Variants in CRCP observed in about 807,000 individuals in gnomAD.
The protein encoded by CRCP is CGRP receptor component, also known as DNA-directed RNA polymerase III subunit RPC9.
A neutral mutation model predicts 18.5 loss-of-function variants in CRCP; 18 were observed. The ratio of observed to expected loss-of-function variants is 0.97; its 90% CI spans 0.67 to 1.44. The LOEUF is 1.44. CRCP is among the 40% of genes most tolerant of loss of function. The probability of loss-of-function intolerance (pLI) is 0.00; values close to 1 mark genes in which losing one functional copy is unlikely to be tolerated. For missense variants in CRCP, 130 were observed against 176.4 expected, an observed-to-expected ratio of 0.74 and a Z score of 1.49; for synonymous variants, 53 against 62.9, an observed-to-expected ratio of 0.84 and a Z score of 0.75.
intron 4 of CRCP, among the ~76,000 whole-genome samples, chr7:66,136,848 G>A (rs1382247967): frequency 1.3e-5 from 2 of 151,436 alleles, no homozygotes; most frequent in African/African-American, 4.9e-5. Flanking sequence ...GGGAGGCTGA[G>A]GCAGGTGGAT....
rs1037756125 is a variant in CRCP at position 66,152,520 on chromosome 7, G to A, written c.*163G>A. On this transcript the variant is annotated 3_prime_UTR_variant, in exon 6 of 6. Transcript: ENST00000395326. ...AAATAAGTTAAAAAGAAATATTTGT[G>A]CCTTGGGGAGAAGAAACATGGTGAA... is the stretch of plus-strand genomic sequence containing the variant. The A allele has an allele frequency of 1.2e-5, 9 of 740,038 alleles. No individual in the cohort carries two copies. The highest frequency in any genetic ancestry group is 1.9e-5 in the Non-Finnish European group (9 of 469,446). 45.8% of individuals were successfully genotyped at this position (740,038 alleles called of 1,614,324 possible).
At chr7:66,136,812 G>T (rs970780249) in intron 4 of CRCP, among the ~76,000 whole-genome samples, 2 of 151,244 alleles carry the variant, frequency 1.3e-5, no homozygotes, top group Non-Finnish European at 2.9e-5. Flanking sequence ...GGGCACGGTG[G>T]CTCACACCTA....
At chr7:66,133,572 C>G (rs1435922477) in intron 3 of CRCP, among the ~76,000 whole-genome samples, 1 of 150,864 alleles carries the variant, frequency 6.6e-6, no homozygotes. Flanking sequence ...AAAGTTGTCT[C>G]TTCTTACCCG....
intron 3 of CRCP, among the ~76,000 whole-genome samples, chr7:66,132,970 A>G (rs1310198470): frequency 6.6e-6 from 1 of 152,072 alleles, no homozygotes; most frequent in Non-Finnish European, 1.5e-5. Context: ...GCCCATATTC[A>G]AGGGGAAGCG....
intron 1 of CRCP, among the ~76,000 whole-genome samples, chr7:66,125,613 T>A (rs1387721076): frequency 6.7e-6 from 1 of 149,298 alleles, no homozygotes; most frequent in Admixed American, 6.7e-5. Flanking sequence ...TCCTCCTTTA[T>A]ATTCGTTCTA....
At position 66,131,865 on chromosome 7, in the gene CRCP, G is replaced by A. The variant is rs941165350; in HGVS notation, c.144+1023G>A. On this transcript the variant is annotated intron_variant, in intron 3 of 5. Transcript: ENST00000395326. ...TCACCTCTGGCTCCCGGGTTCAAGC[G>A]ATTCTCCTGCCTCAGCCTCCCGAGT... Among the ~76,000 whole-genome samples, 12 of 151,588 alleles carry A rather than the reference G, an allele frequency of 7.9e-5. No homozygotes were observed. In the South Asian group the frequency reaches 2.1e-3, roughly 26 times the overall value.
intron 2 of CRCP, 25 bp from the exon 3 acceptor site, chr7:66,130,719 A>G: frequency 7.3e-7 from 1 of 1,368,082 alleles, no homozygotes; most frequent in African/African-American, 1.4e-5. Context: ...TTATTCATAA[A>G]CGTCTTTTTT....
At chr7:66,150,258 A>G (rs1040612642) in intron 5 of CRCP, among the ~76,000 whole-genome samples, 1 of 151,586 alleles carries the variant, frequency 6.6e-6, no homozygotes, top group African/African-American at 2.4e-5. Context: ...TTTACTAAAA[A>G]TACAAAATTA....
intron 4 of CRCP, among the ~76,000 whole-genome samples, chr7:66,142,822 C>G (rs945524086): frequency 6.6e-6 from 1 of 152,066 alleles, no homozygotes; most frequent in Non-Finnish European, 1.5e-5. Flanking sequence ...AATGGAGGCA[C>G]TTTATGGTGT....
intron 4 of CRCP, among the ~76,000 whole-genome samples, chr7:66,144,186 C>A (rs537565014): frequency 6.6e-6 from 1 of 152,142 alleles, no homozygotes; most frequent in Non-Finnish European, 1.5e-5. Flanking sequence ...TCAGAGTCCA[C>A]ATGATTCAGC....
chr7:66,125,315 C>T lies in CRCP; in HGVS notation c.9-2389C>T, dbSNP rs139966060. 1.1e-3 allele frequency among the ~76,000 whole-genome samples: 165 copies of T among 149,202 alleles called. 5 individuals carry two copies. Among genetic ancestry groups the T allele is most frequent in the African/African-American group, 3.7e-3 (151 of 41,330 alleles). On this transcript the variant is annotated intron_variant, in intron 1 of 5. Coordinates refer to ENST00000395326, the MANE Select transcript of CRCP (RefSeq NM_014478.5). ...AGTAACTTCTCAAAGATAAAAACTGCCTTTAAAAAAATTCCCCAATACATA... is the reference window on the plus strand; with the variant it reads ...AGTAACTTCTCAAAGATAAAAACTGTCTTTAAAAAAATTCCCCAATACATA...
chr7:66,137,885 A>G (rs1187798261), intron 4 of CRCP, among the ~76,000 whole-genome samples: 4 of 152,220 alleles, frequency 2.6e-5, no homozygotes, highest in Non-Finnish European at 4.4e-5. Context: ...TAATCTACAT[A>G]CATTGAAACA....
intron 5 of CRCP, among the ~76,000 whole-genome samples, chr7:66,145,798 A>C (rs1788274664): frequency 6.6e-6 from 1 of 152,160 alleles, no homozygotes; most frequent in South Asian, 2.1e-4. Context: ...TGCCAACCAG[A>C]TGTTGCATAA....
chr7:66,131,983 A>G (rs552468537), intron 3 of CRCP, among the ~76,000 whole-genome samples: 44 of 15,960 alleles, frequency 2.8e-3, no homozygotes, highest in Middle Eastern at 0.024. Context: ...CGGGTATCAA[A>G]CTCCCGACCT....
At chr7:66,149,805 C>T (rs1342883090) in intron 5 of CRCP, among the ~76,000 whole-genome samples, 1 of 152,022 alleles carries the variant, frequency 6.6e-6, no homozygotes, top group Non-Finnish European at 1.5e-5. Context: ...TCCCTCACCC[C>T]CACCTTTTTT....
chr7:66,116,616 C>T (rs1190127863), intron 1 of CRCP, among the ~76,000 whole-genome samples: 2 of 152,056 alleles, frequency 1.3e-5, no homozygotes, highest in East Asian at 1.9e-4. Context: ...CTAATTTTTC[C>T]CTCTTTACTA....
At chr7:66,122,525 T>C (rs1415106893) in intron 1 of CRCP, among the ~76,000 whole-genome samples, 1 of 152,198 alleles carries the variant, frequency 6.6e-6, no homozygotes, top group East Asian at 1.9e-4. Context: ...GACTCACCAT[T>C]TTAAGCAAAT....
chr7:66,127,019 T>C (rs754967027), intron 1 of CRCP, among the ~76,000 whole-genome samples: 3 of 152,210 alleles, frequency 2.0e-5, no homozygotes, highest in Non-Finnish European at 4.4e-5. Context: ...TAAGGAGTAA[T>C]TAACTTAACT....
At chr7:66,133,858 CTTTTTTT>C (rs751345422) in intron 3 of CRCP, among the ~76,000 whole-genome samples, 1 of 96,718 alleles carries the variant, frequency 1.0e-5, no homozygotes, top group Non-Finnish European at 2.0e-5. Flanking sequence ...TTTTTGTTTT[CTTTTTTT>C]TTTTTTTTTT....
Sources: gnomAD v4.1 joint callset for allele counts (sites outside exome capture counted in the v4.1 genomes callset) on GRCh38, gnomAD v4.1.1 for gene constraint, MANE v1.5 for transcripts, NCBI Gene and HGNC (gene_info 2026-07-23, HGNC 2026-07-21) for gene names.